Variants in AKAP19 observed in about 807,000 individuals in gnomAD.
AKAP19 encodes the protein A-kinase anchoring protein 19.
chr2:190,116,154 T>A, the AKAP19 span, among the ~76,000 whole-genome samples: 1 of 152,096 alleles, frequency 6.6e-6, no homozygotes. Context: ...AGGGGAAAAA[T>A]AACAATATGC....
the AKAP19 span, among the ~76,000 whole-genome samples, chr2:190,008,566 G>C: frequency 6.6e-6 from 1 of 152,026 alleles, no homozygotes; most frequent in African/African-American, 2.4e-5. Context: ...TTTAATTAGA[G>C]CTTTATGATC....
At chr2:190,104,331 C>T in the AKAP19 span, among the ~76,000 whole-genome samples, 260 of 152,170 alleles carry the variant, frequency 1.7e-3, no homozygotes, top group African/African-American at 6.0e-3. Context: ...CAAAAATTGA[C>T]AAGTAGGATG....
the AKAP19 span, among the ~76,000 whole-genome samples, chr2:190,193,550 G>C: frequency 7.9e-5 from 12 of 151,938 alleles, no homozygotes; most frequent in African/African-American, 2.9e-4. Context: ...GTTTCTTTTT[G>C]GAAAGATTTA....
At chr2:190,062,260 C>T in the AKAP19 span, 9 of 1,612,868 alleles carry the variant, frequency 5.6e-6, no homozygotes, top group African/African-American at 2.7e-5. Flanking sequence ...TCCGTTGTAG[C>T]GTGATAATCG....
the AKAP19 span, among the ~76,000 whole-genome samples, chr2:190,018,560 C>T: frequency 3.3e-5 from 5 of 152,074 alleles, no homozygotes; most frequent in Middle Eastern, 3.4e-3. Flanking sequence ...GTTTAACTTT[C>T]TATGTGTATG....
At chr2:190,094,173 G>T in the AKAP19 span, among the ~76,000 whole-genome samples, 2 of 152,212 alleles carry the variant, frequency 1.3e-5, no homozygotes, top group Non-Finnish European at 2.9e-5. Flanking sequence ...AGATGAGTGG[G>T]CTTGAGCAAC....
At chr2:189,999,563 A>G in the AKAP19 span, among the ~76,000 whole-genome samples, 1 of 152,170 alleles carries the variant, frequency 6.6e-6, no homozygotes, top group African/African-American at 2.4e-5. Context: ...CTTCCTTTTC[A>G]GCCTGAAGGG....
chr2:190,201,099 G>T, the AKAP19 span: 2 of 166,998 alleles, frequency 1.2e-5, no homozygotes, highest in South Asian at 2.1e-4. Context: ...AAACGGAAAA[G>T]ATAAAACTGT....
the AKAP19 span, among the ~76,000 whole-genome samples, chr2:190,166,230 ATCT>A: frequency 6.6e-6 from 1 of 151,386 alleles, no homozygotes; most frequent in Non-Finnish European, 1.5e-5. Context: ...AAAATGGGAA[ATCT>A]TCTGGAAAAA....
the AKAP19 span, among the ~76,000 whole-genome samples, chr2:190,114,616 T>C: frequency 2.0e-5 from 3 of 152,062 alleles, no homozygotes; most frequent in Non-Finnish European, 4.4e-5. Flanking sequence ...CCACCATGCC[T>C]GGCTAATTTT....
At chr2:190,186,232 G>A in the AKAP19 span, among the ~76,000 whole-genome samples, 2 of 152,184 alleles carry the variant, frequency 1.3e-5, no homozygotes, top group East Asian at 1.9e-4. This position sits in a 1 kb window ranked among gnomAD's most constrained non-coding sequence, Gnocchi z 5.5. Context: ...GATTACAGGC[G>A]TGAGCCACCA....
chr2:190,201,618 A>ATT, the AKAP19 span: 1 of 167,084 alleles, frequency 6.0e-6, no homozygotes, highest in African/African-American at 2.4e-5. Context: ...AATCAAATAG[A>ATT]GTGAATTCTC....
the AKAP19 span, among the ~76,000 whole-genome samples, chr2:190,136,108 A>G: frequency 6.6e-6 from 1 of 150,894 alleles, no homozygotes; most frequent in African/African-American, 2.4e-5. Context: ...TGTCTACTAC[A>G]TGTGAACAAA....
chr2:189,945,832 G>A, the AKAP19 span, among the ~76,000 whole-genome samples: 1 of 152,266 alleles, frequency 6.6e-6, no homozygotes, highest in Admixed American at 6.5e-5. Context: ...CCTGGCCAGT[G>A]TACATTTAAG....
chr2:190,199,915 G>A, the AKAP19 span: 2 of 1,614,024 alleles, frequency 1.2e-6, no homozygotes, highest in East Asian at 2.2e-5. Context: ...ATATGAAGGT[G>A]AGAAGCAGCA....
At chr2:190,058,346 A>G in the AKAP19 span, among the ~76,000 whole-genome samples, 2 of 152,058 alleles carry the variant, frequency 1.3e-5, no homozygotes, top group Non-Finnish European at 2.9e-5. Context: ...AATTTTGATC[A>G]TTAAAATTCT....
the AKAP19 span, among the ~76,000 whole-genome samples, chr2:189,925,091 A>G: frequency 6.6e-6 from 1 of 152,132 alleles, no homozygotes; most frequent in African/African-American, 2.4e-5. Flanking sequence ...GAAACCACGT[A>G]TTGCACATAT....
the AKAP19 span, among the ~76,000 whole-genome samples, chr2:190,145,756 C>T: frequency 3.4e-4 from 51 of 151,916 alleles, no homozygotes; most frequent in African/African-American, 1.2e-3. Flanking sequence ...TAATACATTT[C>T]TCAGAACGAA....
the AKAP19 span, chr2:190,199,599 C>T: frequency 1.7e-6 from 1 of 590,290 alleles, no homozygotes; most frequent in Non-Finnish European, 2.5e-6. Context: ...AGATTTCTTC[C>T]ATGTGACCAA....
Sources: gnomAD v4.1 joint callset for allele counts (sites outside exome capture counted in the v4.1 genomes callset) on GRCh38, gnomAD v4.1.1 for gene constraint, Gnocchi (gnomAD v3.1) non-coding constraint, MANE v1.5 for transcripts, NCBI Gene and HGNC (gene_info 2026-07-23, HGNC 2026-07-21) for gene names.